Variants in SECISBP2L observed in about 807,000 individuals in gnomAD.
The protein encoded by SECISBP2L is SECIS binding protein 2 like, also known as selenocysteine insertion sequence-binding protein 2-like.
SECISBP2L carries 43 observed loss-of-function variants against 114.7 expected under a neutral mutation model. The observed-to-expected ratio is 0.38, with a 90% CI of 0.29 to 0.48. SECISBP2L has a LOEUF of 0.48. SECISBP2L is among the 20% of genes least tolerant of loss of function. The probability of loss-of-function intolerance (pLI) is 0.98; values close to 1 mark genes in which losing one functional copy is unlikely to be tolerated. For synonymous variants in SECISBP2L, 451 were observed against 439.7 expected, an observed-to-expected ratio of 1.03 and a Z score of -0.32; for missense variants, 1,136 against 1,301.1, an observed-to-expected ratio of 0.87 and a Z score of 1.95.
intron 9 of SECISBP2L, 110 bp downstream of exon 9, chr15:49,017,438 C>T: frequency 2.8e-6 from 2 of 707,950 alleles, no homozygotes; most frequent in Non-Finnish European, 4.8e-6. Context: ...CCATCTCCTG[C>T]ACACTCTGCT....
rs1364936674 is a variant in SECISBP2L at position 48,999,757 on chromosome 15, G to A, written c.2403+76C>T. The A allele has an allele frequency of 4.6e-6, 7 of 1,511,082 alleles. No homozygotes were observed. The African/African-American group carries it at 8.3e-5, about 18-fold the overall frequency. The allele number at this position is 1,511,082 out of a possible 1,614,324, so 93.6% of individuals were successfully genotyped here. On this transcript the variant is annotated intron_variant, in intron 16 of 17. Transcript: ENST00000559471. ...CCTTCAAATGCTTAAACATAACACT[G>A]GCATATGTCAATCGAAAAATGTGCT... is the stretch of plus-strand genomic sequence containing the variant.
chr15:49,032,718 C>T (rs1164574821), intron 4 of SECISBP2L, among the ~76,000 whole-genome samples: 1 of 152,156 alleles, frequency 6.6e-6, no homozygotes, highest in Non-Finnish European at 1.5e-5. Context: ...TTCTGAACCG[C>T]TCCATTATTA....
chr15:49,018,184 T>G (rs2141073074), intron 8 of SECISBP2L, among the ~76,000 whole-genome samples: 1 of 152,278 alleles, frequency 6.6e-6, no homozygotes, highest in East Asian at 1.9e-4. Flanking sequence ...TTGAAACTAT[T>G]CTTGAGAAAA....
rs1902930474 is a variant in SECISBP2L at position 49,033,071 on chromosome 15, G to A, written c.558C>T (p.Ser186=). The A allele has an allele frequency of 6.2e-7, 1 of 1,613,480 alleles. No homozygotes were observed. Among genetic ancestry groups the A allele is most frequent in the Admixed American group, 1.7e-5 (1 of 59,964 alleles). The change falls in exon 4 of 18, where the codon AGC becomes AGT. Residue 186 remains serine (S), a synonymous_variant. Coordinates refer to ENST00000559471, the MANE Select transcript of SECISBP2L (RefSeq NM_001193489.2). The part of the protein sequence containing the change: ...KQQLLQQHIK[S]KRPLVKNVAT... ...CTACATTTTTCACCAGCGGCCTTTTGCTTTTTATGTGCTGTTGTAAAAGCT... is the reference window on the plus strand; with the variant it reads ...CTACATTTTTCACCAGCGGCCTTTTACTTTTTATGTGCTGTTGTAAAAGCT...
At chr15:49,035,829 A>T (rs1902995059) in intron 2 of SECISBP2L, among the ~76,000 whole-genome samples, 171 bp from the exon 3 acceptor site, 1 of 152,240 alleles carries the variant, frequency 6.6e-6, no homozygotes, top group African/African-American at 2.4e-5. Context: ...TGCTATAGAG[A>T]TCATTATGTA....
Position 48,993,100 on chromosome 15 carries a change from A to AGAGAGTGTGTGTGTGTGTGT in SECISBP2L, c.2624-175_2624-174insACACACACACACACACTCTC, listed in dbSNP as rs772299775. Among the ~76,000 whole-genome samples the AGAGAGTGTGTGTGTGTGTGT allele has an allele frequency of 7.3e-4, 101 of 139,212 alleles. 1 individual carries two copies. The highest frequency in any genetic ancestry group is 4.2e-3 in the East Asian group (20 of 4,764). 91.3% of individuals were successfully genotyped at this position (139,212 alleles called of 152,430 possible). On this transcript the variant is annotated intron_variant, in intron 17 of 17. Transcript: ENST00000559471. ...TAGTACTAGTTTGAGACAGAGAGAGAGTGTGTGTGTGTGTGTGTGTGTGTG... is the reference window on the plus strand; with the variant it reads ...TAGTACTAGTTTGAGACAGAGAGAGAGAGAGTGTGTGTGTGTGTGTGTGTGTGTGTGTGTGTGTGTGTGTG...
Position 49,010,910 on chromosome 15 carries a change from G to A in SECISBP2L, c.1864+821C>T, listed in dbSNP as rs1235201415. Among the ~76,000 whole-genome samples the A allele has an allele frequency of 2.6e-5, 4 of 152,192 alleles. No individual in the cohort carries two copies. In the South Asian group the frequency reaches 8.3e-4, roughly 32 times the overall value. On this transcript the variant is annotated intron_variant, in intron 13 of 17. Transcript: ENST00000559471. ...TTACATTCCCCAACGTCCTCCTGCC[G>A]CTCTAGTTACTAAAATACATGGGGT...
chr15:49,001,017 C>CA lies in SECISBP2L; in HGVS notation c.2107_2108insT (p.Arg703LeufsTer42). The CA allele has an allele frequency of 1.2e-6, 2 of 1,613,676 alleles. No homozygotes were observed. Among genetic ancestry groups the CA allele is most frequent in the African/African-American group, 2.7e-5 (2 of 74,978 alleles). On this transcript the variant is annotated frameshift_variant, in exon 15 of 18. Transcript: ENST00000559471. LOFTEE classifies it high-confidence loss of function. ...TCTTACAGGATCTTTTTGGTAGATG[C>CA]GTTCCTGGAAACTGACAAGCTCTTG...
intron 4 of SECISBP2L, among the ~76,000 whole-genome samples, chr15:49,032,488 T>A (rs1343432935): frequency 6.6e-6 from 1 of 152,224 alleles, no homozygotes; most frequent in Admixed American, 6.5e-5. Flanking sequence ...TCAAAACTTG[T>A]ACTTGTTTAA....
intron 3 of SECISBP2L, among the ~76,000 whole-genome samples, chr15:49,033,697 A>T (rs552211118): frequency 1.3e-5 from 2 of 152,046 alleles, no homozygotes; most frequent in Non-Finnish European, 2.9e-5. Flanking sequence ...AAACAAAAAA[A>T]CAAAGGCATC....
intron 7 of SECISBP2L, 144 bp downstream of exon 7, chr15:49,027,221 T>G: frequency 2.0e-6 from 1 of 503,052 alleles, no homozygotes; most frequent in Non-Finnish European, 3.5e-6. Context: ...TAAGTAAGTT[T>G]ATTAGCTAAG....
chr15:49,005,051 T>C (rs1387449403), intron 14 of SECISBP2L, among the ~76,000 whole-genome samples: 1 of 152,080 alleles, frequency 6.6e-6, no homozygotes, highest in East Asian at 1.9e-4. Flanking sequence ...CACTATTGGC[T>C]GGGCGCAGTG....
chr15:48,996,332 G>A, intron 17 of SECISBP2L, 35 bp downstream of exon 17: 1 of 1,532,450 alleles, frequency 6.5e-7, no homozygotes, highest in East Asian at 2.3e-5. Context: ...TCATCTCATG[G>A]TTTAAGTCAT....
chr15:49,009,475 G>C, intron 13 of SECISBP2L, 97 bp from the exon 14 acceptor site: 4 of 1,254,430 alleles, frequency 3.2e-6, no homozygotes, highest in Non-Finnish European at 4.4e-6. Flanking sequence ...ATTGTCTTTT[G>C]GGTCATTTCC....
At chr15:49,044,513 T>C (rs1903203512) in intron 1 of SECISBP2L, among the ~76,000 whole-genome samples, 1 of 152,182 alleles carries the variant, frequency 6.6e-6, no homozygotes. Context: ...GGTGAAGACA[T>C]CACTTTTCTA....
intron 16 of SECISBP2L, among the ~76,000 whole-genome samples, chr15:48,997,635 T>C (rs111335199): frequency 1.1e-4 from 17 of 152,098 alleles, no homozygotes; most frequent in Non-Finnish European, 2.5e-4. Flanking sequence ...TCCCACCACT[T>C]TGGGAGGCCA....
At position 49,017,617 on chromosome 15, in the gene SECISBP2L, C is replaced by T; in HGVS notation, c.1182G>A (p.Gly394=). Residue 394 remains glycine, a synonymous_variant, in exon 9 of 18, where the codon GGG becomes GGA. Coordinates refer to ENST00000559471, the MANE Select transcript of SECISBP2L (RefSeq NM_001193489.2). ...TTCCATTCTCATTTAGTTCTTGAAA[C>T]CCATCTTCATCCTGAAATGTTTCAC... ...SESLYFEDED[G]FQELNENGNA... 1 of 1,606,782 alleles carries T rather than the reference C, an allele frequency of 6.2e-7. No individual in the cohort carries two copies. The highest frequency in any genetic ancestry group is 8.5e-7 in the Non-Finnish European group (1 of 1,177,286).
chr15:49,034,064 C>A (rs542101491), intron 3 of SECISBP2L, among the ~76,000 whole-genome samples: 1 of 152,086 alleles, frequency 6.6e-6, no homozygotes, highest in African/African-American at 2.4e-5. Flanking sequence ...TTCTGAGTTC[C>A]CGAAAAGATA....
intron 14 of SECISBP2L, among the ~76,000 whole-genome samples, chr15:49,005,037 C>T (rs116924015): frequency 0.013 from 1,918 of 152,286 alleles, 20 homozygotes; most frequent in Middle Eastern, 0.037. Context: ...GTGTTAAAGT[C>T]TCCCACTATT....
Sources: gnomAD v4.1 joint callset for allele counts (sites outside exome capture counted in the v4.1 genomes callset) on GRCh38, gnomAD v4.1.1 for gene constraint, MANE v1.5 for transcripts, NCBI Gene and HGNC (gene_info 2026-07-23, HGNC 2026-07-21) for gene names.